The following SLC13A1 variants were observed in gnomAD, a reference collection of about 807,000 sequenced individuals.
The protein encoded by SLC13A1 is solute carrier family 13 member 1.
Under a neutral mutation model 70.0 loss-of-function variants are expected in SLC13A1, and 65 were observed. That is an observed-to-expected ratio of 0.93 (90% CI 0.76 to 1.14). SLC13A1 has a LOEUF of 1.14. Ranked by LOEUF, SLC13A1 falls within the 50% of genes most tolerant of loss-of-function variation. The pLI, the probability that SLC13A1 is intolerant of heterozygous loss-of-function variation, is 0.00. For missense variants in SLC13A1, 726 were observed against 717.8 expected (o/e 1.01, Z -0.13); for synonymous variants, 275 against 250.5 (o/e 1.10, Z -0.92).
rs185497082 is a variant in SLC13A1, at chr7:123,149,507, G to A, written c.661-2197C>T. 3.3e-5 allele frequency: 15 copies of A among 456,452 alleles called. No homozygotes were observed. In the East Asian group the frequency reaches 9.0e-4, roughly 28 times the overall value. The allele number at this position is 456,452 out of a possible 1,614,324, so 28.3% of individuals were successfully genotyped here. A position where few individuals can be genotyped will look rare whatever the true frequency, so the allele number is the denominator to read the frequency against. The stretch of plus-strand genomic sequence containing the variant: ...ATGGTACAAGTGGCAGGGGGTTGGG[G>A]CACTGGGGAAATACTCCAACTTTCT... On this transcript the variant is annotated intron_variant, in intron 6 of 14. Coordinates refer to ENST00000194130, the MANE Select transcript of SLC13A1 (RefSeq NM_022444.4).
intron 8 of SLC13A1, among the ~76,000 whole-genome samples, chr7:123,129,957 T>A (rs1447054258): frequency 6.6e-6 from 1 of 152,184 alleles, no homozygotes; most frequent in Non-Finnish European, 1.5e-5. Flanking sequence ...GTCATAGATG[T>A]TTCCTTTGGC....
chr7:123,148,231 A>G (rs528751284), intron 6 of SLC13A1, among the ~76,000 whole-genome samples: 7 of 152,278 alleles, frequency 4.6e-5, no homozygotes, highest in South Asian at 2.1e-4. Flanking sequence ...GTCATTTAAG[A>G]TAACATTTGC....
At chr7:123,187,813 G>T (rs925108729) in intron 1 of SLC13A1, among the ~76,000 whole-genome samples, 7 of 151,770 alleles carry the variant, frequency 4.6e-5, no homozygotes, top group Non-Finnish European at 1.0e-4. Context: ...CCATTTATTT[G>T]TCTGTTTTTC....
At chr7:123,190,685 G>T (rs1795963291) in intron 1 of SLC13A1, 1 of 456,378 alleles carries the variant, frequency 2.2e-6, no homozygotes, top group African/African-American at 2.0e-5. Flanking sequence ...AGAAGCTGTT[G>T]AGAATAAGCT....
chr7:123,151,324 C>T (rs138542108), intron 6 of SLC13A1, among the ~76,000 whole-genome samples: 157 of 151,250 alleles, frequency 1.0e-3, no homozygotes, highest in Middle Eastern at 6.8e-3. Context: ...GAGCAAGACC[C>T]GTCTCAAAAC....
At chr7:123,144,747 G>C (rs1794292788) in intron 7 of SLC13A1, among the ~76,000 whole-genome samples, 1 of 152,104 alleles carries the variant, frequency 6.6e-6, no homozygotes, top group Non-Finnish European at 1.5e-5. Flanking sequence ...TACACGTCAA[G>C]GTTGACTCTT....
intron 1 of SLC13A1, chr7:123,190,428 C>G (rs746344848): frequency 5.4e-6 from 2 of 370,940 alleles, no homozygotes; most frequent in Non-Finnish European, 1.1e-5. Context: ...GTTTAAACTC[C>G]CTTTATGAGA....
intron 1 of SLC13A1, among the ~76,000 whole-genome samples, chr7:123,193,849 G>A (rs563707678): frequency 6.6e-6 from 1 of 152,242 alleles, no homozygotes; most frequent in South Asian, 2.1e-4. Flanking sequence ...AAAGAGCTTT[G>A]TGAAAGGGAC....
At chr7:123,169,037 T>G in intron 4 of SLC13A1, 111 bp downstream of exon 4, 1 of 923,014 alleles carries the variant, frequency 1.1e-6, no homozygotes, top group Non-Finnish European at 1.6e-6. Context: ...AAAGTTAAAT[T>G]CATATCATGC....
intron 12 of SLC13A1, among the ~76,000 whole-genome samples, chr7:123,121,154 A>G (rs771719901): frequency 6.6e-5 from 10 of 152,022 alleles, no homozygotes; most frequent in Non-Finnish European, 1.2e-4. Flanking sequence ...CAATTTTGCT[A>G]CAAAGTAAAT....
At chr7:123,159,574 T>C (rs1330289946) in intron 6 of SLC13A1, among the ~76,000 whole-genome samples, 2 of 152,164 alleles carry the variant, frequency 1.3e-5, no homozygotes, top group Non-Finnish European at 2.9e-5. Flanking sequence ...CACAGTTCTG[T>C]ACTATTTTGT....
At chr7:123,142,765 G>T (rs932977972) in intron 7 of SLC13A1, among the ~76,000 whole-genome samples, 23 of 150,746 alleles carry the variant, frequency 1.5e-4, no homozygotes, top group Non-Finnish European at 3.2e-4. Context: ...CTACAGATAT[G>T]TGCCACCATG....
chr7:123,134,429 A>C lies in SLC13A1; in HGVS notation c.913T>G (p.Trp305Gly). 1 of 1,613,308 alleles carries C rather than the reference A, an allele frequency of 6.2e-7. No homozygotes were observed. Among genetic ancestry groups the C allele is most frequent in the Non-Finnish European group, 8.5e-7 (1 of 1,179,516 alleles). Reference sequence around the variant, plus strand: ...ACTTACTTGAATCCTAGGAAAAGCCACTGAAGCCAGATCCAGGATAAGAGT... The same window carrying C: ...ACTTACTTGAATCCTAGGAAAAGCCCCTGAAGCCAGATCCAGGATAAGAGT... ...ILLLSWIWLQWLFLGFNFKEM... is the reference protein window; with the variant it reads ...ILLLSWIWLQGLFLGFNFKEM... Residue 305 changes from tryptophan (W) to glycine (G), a missense_variant, in exon 8 of 15, where the codon TGG (tryptophan) becomes GGG (glycine). Physicochemically the swap from Trp to Gly is radical, Grantham distance 184. Transcript: ENST00000194130.
intron 12 of SLC13A1, among the ~76,000 whole-genome samples, chr7:123,122,815 A>G (rs1051440841): frequency 6.6e-6 from 1 of 152,142 alleles, no homozygotes; most frequent in African/African-American, 2.4e-5. Context: ...GTCACTTTAC[A>G]TATTTTCATA....
intron 7 of SLC13A1, among the ~76,000 whole-genome samples, chr7:123,142,655 T>TTTTTTTTGTG (rs1794196073): frequency 6.8e-6 from 1 of 146,276 alleles, no homozygotes; most frequent in Non-Finnish European, 1.5e-5. Context: ...TTTTTTTTTT[T>TTTTTTTTGTG]GATGGAGGCT....
chr7:123,116,983 T>C (rs113296437), intron 14 of SLC13A1, among the ~76,000 whole-genome samples: 2 of 152,206 alleles, frequency 1.3e-5, no homozygotes, highest in African/African-American at 4.8e-5. Context: ...TGTTTTCACG[T>C]TAGGTCCTGG....
intron 6 of SLC13A1, among the ~76,000 whole-genome samples, chr7:123,166,516 G>T (rs1423338645): frequency 6.6e-6 from 1 of 151,932 alleles, no homozygotes; most frequent in Non-Finnish European, 1.5e-5. Flanking sequence ...TTAACATTAG[G>T]TATATCTCCT....
intron 1 of SLC13A1, among the ~76,000 whole-genome samples, chr7:123,192,826 T>C (rs370173583): frequency 6.6e-6 from 1 of 152,296 alleles, no homozygotes; most frequent in African/African-American, 2.4e-5. Flanking sequence ...TTTAAAGTGC[T>C]TTAAAATATC....
At position 123,123,158 on chromosome 7, in the gene SLC13A1, CA is replaced by C; in HGVS notation, c.1317del (p.Gly440ValfsTer19). On this transcript the variant is annotated frameshift_variant, in exon 12 of 15. Coordinates refer to ENST00000194130, the MANE Select transcript of SLC13A1 (RefSeq NM_022444.4). LOFTEE classifies it high-confidence loss of function. ...SFMPWDIAIL[V>X]GGGFALADGC... is the part of the protein sequence containing the mutation. The stretch of plus-strand genomic sequence containing the variant: ...CCATCTGCCAGGGCAAACCCTCCAC[CA>C]ACAAGAATGGCTATATCCCAGGGCA... 1 of 1,613,486 alleles carries C rather than the reference CA, an allele frequency of 6.2e-7. No individual in the cohort carries two copies.
Sources: gnomAD v4.1 joint callset for allele counts (sites outside exome capture counted in the v4.1 genomes callset) on GRCh38, gnomAD v4.1.1 for gene constraint, MANE v1.5 for transcripts, NCBI Gene and HGNC (gene_info 2026-07-23, HGNC 2026-07-21) for gene names.